USP22: variants seen among roughly 807,000 people sequenced by gnomAD.
The protein encoded by USP22 is ubiquitin specific peptidase 22.
USP22 carries 22 observed loss-of-function variants against 68.1 expected under a neutral mutation model. The observed-to-expected ratio is 0.32, with a 90% CI of 0.23 to 0.46. The LOEUF (loss-of-function observed/expected upper bound fraction) is 0.46. USP22 is among the 20% of genes least tolerant of loss of function. USP22 has a pLI of 1.00. For synonymous variants in USP22, 279 were observed against 274.2 expected (o/e 1.02, Z -0.17); for missense variants, 433 against 695.8 (o/e 0.62, Z 4.25).
Position 21,015,908 on chromosome 17 carries a change from G to A in USP22, c.691-9C>T, listed in dbSNP as rs202234018. On this transcript the variant is annotated splice_polypyrimidine_tract_variant and intron_variant, in intron 5 of 12. Coordinates refer to ENST00000261497, the MANE Select transcript of USP22 (RefSeq NM_015276.2). ...CGGTGTCCAGAGTAAAACTGCCAGA[G>A]GGCGGGGAAGGAAACCTTGTCAGGA... 2.5e-6 allele frequency: 4 copies of A among 1,613,366 alleles called. No individual in the cohort carries two copies. The African/African-American group carries it at 5.3e-5, about 22-fold the overall frequency.
chr17:21,008,053 G>T, intron 8 of USP22, 57 bp from the exon 9 acceptor site: 1 of 1,579,222 alleles, frequency 6.3e-7, no homozygotes, highest in Admixed American at 1.8e-5. Flanking sequence ...ACAGAAAAAT[G>T]AGAGGAAAGA....
intron 6 of USP22, 124 bp from the exon 7 acceptor site, chr17:21,013,059 G>T: frequency 1.4e-6 from 1 of 728,844 alleles, no homozygotes; most frequent in East Asian, 2.6e-5. Flanking sequence ...GGCCATGTGA[G>T]GACACTCCTC....
rs941766936 is a variant in USP22 at position 21,000,987 on chromosome 17, T to A, written c.*2044A>T. ...ACTGCTTGAACCCAGGAGGTGGAGG[T>A]TGCAGTGAGCCGAGACTGTGCCACT... On this transcript the variant is annotated 3_prime_UTR_variant, in exon 13 of 13. Transcript: ENST00000261497. 1 of 145,174 alleles carries A rather than the reference T, an allele frequency of 6.9e-6. No individual in the cohort carries two copies. The highest frequency in any genetic ancestry group is 2.6e-5 in the African/African-American group (1 of 38,998). The allele number at this position is 145,174 out of a possible 1,614,324, so 9.0% of individuals were successfully genotyped here.
chr17:21,030,444 G>GAT (rs1465790849), intron 1 of USP22, among the ~76,000 whole-genome samples: 1 of 152,060 alleles, frequency 6.6e-6, no homozygotes, highest in Non-Finnish European at 1.5e-5. Flanking sequence ...TGAGGCAATA[G>GAT]ATATATACAG....
intron 1 of USP22, 82 bp downstream of exon 1, chr17:21,042,583 C>A (rs112391166): frequency 0.28 from 346,026 of 1,229,560 alleles, 51,879 homozygotes; most frequent in Middle Eastern, 0.33. Flanking sequence ...GGGAAGAGGG[C>A]AGGAAAAGGG....
At chr17:21,040,646 T>C (rs1972416069) in intron 1 of USP22, among the ~76,000 whole-genome samples, 1 of 151,354 alleles carries the variant, frequency 6.6e-6, no homozygotes, top group South Asian at 2.1e-4. Context: ...TTAGGCAAAG[T>C]TAGTTAATGA....
chr17:21,016,260 C>T (rs568038619), intron 5 of USP22, among the ~76,000 whole-genome samples: 96 of 152,298 alleles, frequency 6.3e-4, no homozygotes, highest in African/African-American at 2.2e-3. Flanking sequence ...CCAGCACCTC[C>T]GCAAAGGGAA....
rs1211865449 is a variant in USP22 at position 21,017,902 on chromosome 17, G to A, written c.690+40C>T. 4 of 1,600,044 alleles carry A rather than the reference G, an allele frequency of 2.5e-6. No individual in the cohort carries two copies. In the East Asian group the frequency reaches 9.0e-5, roughly 36 times the overall value. ...TTTTTTTTTTGAAGGTGAAAACAAA[G>A]TAACAGAAATGTTCCCCTGCAGAAG... On this transcript the variant is annotated intron_variant, in intron 5 of 12. Coordinates refer to ENST00000261497, the MANE Select transcript of USP22 (RefSeq NM_015276.2).
At chr17:21,016,667 G>A (rs760278498) in intron 5 of USP22, among the ~76,000 whole-genome samples, 1 of 152,198 alleles carries the variant, frequency 6.6e-6, no homozygotes, top group Non-Finnish European at 1.5e-5. Context: ...AGTAGGGACA[G>A]CCAGATTCAG....
At chr17:21,018,334 T>C (rs1972113326) in intron 4 of USP22, 3 of 451,300 alleles carry the variant, frequency 6.6e-6, no homozygotes, top group Non-Finnish European at 1.2e-5. Context: ...TCAGCCATTG[T>C]ATGCTTTGAC....
rs532573093 is a variant in USP22, at chr17:21,003,129, G to C, written c.1536-56C>G. On this transcript the variant is annotated intron_variant, in intron 12 of 12. Transcript: ENST00000261497. Reference sequence around the variant, plus strand: ...CCTCTAACTCCTAAGACAGGAGCCAGAACAACCCACCCTACACAAAAGCCT... The same window carrying C: ...CCTCTAACTCCTAAGACAGGAGCCACAACAACCCACCCTACACAAAAGCCT... 3.8e-6 allele frequency: 6 copies of C among 1,599,848 alleles called. No homozygotes were observed. In the Admixed American group the frequency reaches 6.7e-5, roughly 18 times the overall value.
At chr17:21,036,721 T>C (rs964483662) in intron 1 of USP22, among the ~76,000 whole-genome samples, 7 of 152,100 alleles carry the variant, frequency 4.6e-5, no homozygotes, top group Admixed American at 3.3e-4. Context: ...GAGTTGGAGA[T>C]ATAAACATGA....
chr17:21,017,251 T>C (rs1972095149), intron 5 of USP22, among the ~76,000 whole-genome samples: 2 of 152,174 alleles, frequency 1.3e-5, no homozygotes, highest in Non-Finnish European at 2.9e-5. Context: ...TCGCAGAGGT[T>C]ACGAATGGGA....
chr17:21,028,537 C>T lies in USP22; in HGVS notation c.304+5G>A. On this transcript the variant is annotated splice_donor_5th_base_variant and intron_variant, in intron 2 of 12. Transcript: ENST00000261497. ...CTATCCCCCCATCCCAGAAGCTCGCCTCACCCAGGTTGTGCCGCTTCGCCT... is the reference window on the plus strand; with the variant it reads ...CTATCCCCCCATCCCAGAAGCTCGCTTCACCCAGGTTGTGCCGCTTCGCCT... 1 of 1,613,466 alleles carries T rather than the reference C, an allele frequency of 6.2e-7. No individual in the cohort carries two copies. Among genetic ancestry groups the T allele is most frequent in the Non-Finnish European group, 8.5e-7 (1 of 1,179,744 alleles).
intron 2 of USP22, among the ~76,000 whole-genome samples, chr17:21,023,335 TAAAAGTTAAAATATTTTTTAAAAA>T (rs2143595015): frequency 6.6e-6 from 1 of 152,130 alleles, no homozygotes; most frequent in East Asian, 1.9e-4. Flanking sequence ...GAAACTAAAA[TAAAAGTTAAAATATTTTTTAAAAA>T]ACTGGGAGAG....
intron 1 of USP22, among the ~76,000 whole-genome samples, chr17:21,041,437 A>G (rs1265744422): frequency 6.6e-6 from 1 of 151,878 alleles, no homozygotes; most frequent in Non-Finnish European, 1.5e-5. Context: ...GTCTCTACTA[A>G]AAATACAAAA....
intron 10 of USP22, 27 bp from the exon 11 acceptor site, chr17:21,005,017 C>A (rs968961852): frequency 6.2e-7 from 1 of 1,613,022 alleles, no homozygotes; most frequent in Non-Finnish European, 8.5e-7. Context: ...CAGGATTCAG[C>A]ATCATTAAAA....
chr17:21,004,383 A>T, intron 11 of USP22, 32 bp from the exon 12 acceptor site: 1 of 1,609,352 alleles, frequency 6.2e-7, no homozygotes, highest in Non-Finnish European at 8.5e-7. Context: ...GGGAGGGCGC[A>T]GGTGACTTGA....
chr17:21,007,754 T>C, intron 9 of USP22, 116 bp downstream of exon 9: 1 of 1,343,162 alleles, frequency 7.4e-7, no homozygotes, highest in Non-Finnish European at 1.0e-6. Context: ...CTCGGTGTTC[T>C]TCCTGCTTGC....
Sources: allele counts gnomAD v4.1 joint callset (sites outside exome capture counted in the v4.1 genomes callset), GRCh38; gene constraint gnomAD v4.1.1; transcripts MANE v1.5; gene names NCBI Gene and HGNC (gene_info 2026-07-23, HGNC 2026-07-21).